The following MCOLN2 variants were observed in gnomAD, a reference collection of about 807,000 sequenced individuals.
The protein encoded by MCOLN2 is mucolipin-2.
A neutral mutation model predicts 67.5 loss-of-function variants in MCOLN2; 57 were observed. That is an observed-to-expected ratio of 0.84 (90% CI 0.68 to 1.05). The LOEUF is 1.05. Among genes scored for constraint, MCOLN2 ranks in the 50% least tolerant of loss-of-function variants. The pLI, the probability that MCOLN2 is intolerant of heterozygous loss-of-function variation, is 0.00. For missense variants in MCOLN2, 620 were observed against 678.8 expected (o/e 0.91, Z 0.96); for synonymous variants, 246 against 233.3 (o/e 1.05, Z -0.50).
chr1:84,986,036 C>T (rs1163419886), intron 1 of MCOLN2, among the ~76,000 whole-genome samples: 2 of 152,184 alleles, frequency 1.3e-5, no homozygotes, highest in Non-Finnish European at 2.9e-5. Context: ...TACCTGACTT[C>T]AAACTATACT....
At chr1:84,926,765 T>C in intron 13 of MCOLN2, 44 bp from the exon 14 acceptor site, 1 of 1,475,874 alleles carries the variant, frequency 6.8e-7, no homozygotes, top group Non-Finnish European at 9.3e-7. Flanking sequence ...GATACAATAC[T>C]TTAACATCTT....
intron 1 of MCOLN2, among the ~76,000 whole-genome samples, chr1:84,987,377 TATAG>T (rs1298632580): frequency 1.5e-5 from 2 of 133,232 alleles, no homozygotes; most frequent in Non-Finnish European, 3.2e-5. Context: ...CATATATTTA[TATAG>T]ATATATACAT....
At chr1:84,973,041 T>G (rs553988266) in intron 1 of MCOLN2, among the ~76,000 whole-genome samples, 4 of 152,322 alleles carry the variant, frequency 2.6e-5, no homozygotes, top group East Asian at 3.9e-4. Flanking sequence ...CAAGGACGTA[T>G]GCAAGACCAT....
chr1:84,951,976 A>G (rs1648505062), intron 6 of MCOLN2, among the ~76,000 whole-genome samples: 1 of 152,182 alleles, frequency 6.6e-6, no homozygotes, highest in Non-Finnish European at 1.5e-5. Context: ...AATCCCACCT[A>G]CTTGGGAGGC....
intron 11 of MCOLN2, chr1:84,937,314 A>G (rs634294): frequency 0.31 from 46,835 of 153,144 alleles, 7,280 homozygotes; most frequent in East Asian, 0.39. Context: ...CACCATTTCT[A>G]TCGTAAACCT....
chr1:84,982,933 G>C (rs563980675), intron 1 of MCOLN2, among the ~76,000 whole-genome samples: 1 of 152,090 alleles, frequency 6.6e-6, no homozygotes. Flanking sequence ...GGCCAGGCTG[G>C]TCTCGAACTC....
intron 2 of MCOLN2, among the ~76,000 whole-genome samples, chr1:84,960,386 C>T (rs1472088179): frequency 6.6e-6 from 1 of 152,178 alleles, no homozygotes; most frequent in African/African-American, 2.4e-5. Context: ...AAAACAACTT[C>T]CTTCTGCTGA....
At chr1:84,963,566 G>A (rs1440519790) in intron 2 of MCOLN2, among the ~76,000 whole-genome samples, 2 of 152,136 alleles carry the variant, frequency 1.3e-5, no homozygotes, top group East Asian at 3.9e-4. Flanking sequence ...GTTGCAGGAG[G>A]GGCCTCCTGG....
chr1:84,955,317 G>C (rs1322716002), intron 4 of MCOLN2, among the ~76,000 whole-genome samples: 1 of 152,150 alleles, frequency 6.6e-6, no homozygotes, highest in Non-Finnish European at 1.5e-5. Context: ...AATACAGAGG[G>C]GGAGTCCACC....
chr1:84,946,355 C>T (rs1186031759), intron 7 of MCOLN2, among the ~76,000 whole-genome samples: 1 of 152,132 alleles, frequency 6.6e-6, no homozygotes, highest in Admixed American at 6.5e-5. Flanking sequence ...TCTTCCTTTT[C>T]CCATAATGCC....
chr1:84,931,420 A>T lies in MCOLN2; in HGVS notation c.1484T>A (p.Ile495Lys). 6.2e-7 allele frequency: 1 copy of T among 1,600,826 alleles called. No homozygotes were observed. The highest frequency in any genetic ancestry group is 1.3e-5 in the African/African-American group (1 of 74,754). ...LYLYSFISLFIYMILSLFIAL... is the reference protein window; with the variant it reads ...LYLYSFISLFKYMILSLFIAL... ...AATAAAAAGACTGAGAATCATATAT[A>T]TAAAAAGGCTGATGAAGGAATATAA... Residue 495 changes from isoleucine to lysine, a missense_variant, in exon 12 of 14, where the codon ATA (isoleucine) becomes AAA (lysine). By Grantham distance (102) the Ile-to-Lys change is moderately radical (BLOSUM62 -3). Transcript: ENST00000370608.
chr1:84,936,997 A>G (rs1320795005), intron 11 of MCOLN2, among the ~76,000 whole-genome samples: 1 of 152,242 alleles, frequency 6.6e-6, no homozygotes, highest in Non-Finnish European at 1.5e-5. Flanking sequence ...AGTAAGTGTT[A>G]GCTGCTGCTA....
chr1:84,980,597 T>C (rs1193092196), intron 1 of MCOLN2, among the ~76,000 whole-genome samples: 1 of 152,146 alleles, frequency 6.6e-6, no homozygotes, highest in African/African-American at 2.4e-5. Context: ...CTTAAATAAA[T>C]GGTGTTGGGG....
intron 7 of MCOLN2, among the ~76,000 whole-genome samples, chr1:84,945,566 A>C (rs1037414370): frequency 6.6e-6 from 1 of 152,230 alleles, no homozygotes; most frequent in African/African-American, 2.4e-5. Context: ...AACAGAAGCC[A>C]CAGGTATTTT....
chr1:84,992,048 TTG>T (rs377324525), intron 1 of MCOLN2, among the ~76,000 whole-genome samples: 3 of 152,296 alleles, frequency 2.0e-5, no homozygotes, highest in African/African-American at 7.2e-5. Flanking sequence ...CCTCAAAGCA[TTG>T]AGGTTACCTT....
At chr1:84,953,255 T>C (rs1474772047) in intron 4 of MCOLN2, among the ~76,000 whole-genome samples, 1 of 152,134 alleles carries the variant, frequency 6.6e-6, no homozygotes, top group Admixed American at 6.6e-5. Context: ...GCAAATGTGA[T>C]AAAATGTTAG....
chr1:84,954,384 TC>T (rs1406294607), intron 4 of MCOLN2, among the ~76,000 whole-genome samples: 2 of 152,230 alleles, frequency 1.3e-5, no homozygotes, highest in African/African-American at 4.8e-5. Context: ...GAAACTTGTT[TC>T]TGGCAGGAAA....
rs202187118 is a variant in MCOLN2 at position 84,939,653 on chromosome 1, G to A, written c.1010C>T (p.Thr337Ile). 1.2e-6 allele frequency: 2 copies of A among 1,613,946 alleles called. No homozygotes were observed. The highest frequency in any genetic ancestry group is 1.7e-6 in the Non-Finnish European group (2 of 1,179,952). ...LEKYKRPVCD[T>I]DQWEFINGWY... The stretch of plus-strand genomic sequence containing the variant: ...GCCGTTGATGAACTCCCACTGGTCG[G>A]TGTCACACACAGGCCGCTTGTACTT... Residue 337 changes from threonine (T) to isoleucine (I), a missense_variant, in exon 9 of 14, where the codon ACC (threonine) becomes ATC (isoleucine). By Grantham distance (89) the Thr-to-Ile change is moderately conservative (BLOSUM62 -1). Coordinates refer to ENST00000370608, the MANE Select transcript of MCOLN2 (RefSeq NM_153259.4).
At chr1:84,978,073 A>G (rs1235652494) in intron 1 of MCOLN2, among the ~76,000 whole-genome samples, 1 of 152,170 alleles carries the variant, frequency 6.6e-6, no homozygotes, top group Non-Finnish European at 1.5e-5. Context: ...AACTACAAAT[A>G]ACAAAAGGAA....
Sources: gnomAD v4.1 joint callset for allele counts (sites outside exome capture counted in the v4.1 genomes callset) on GRCh38, gnomAD v4.1.1 for gene constraint, MANE v1.5 for transcripts, NCBI Gene and HGNC (gene_info 2026-07-23, HGNC 2026-07-21) for gene names.